Variants in MAF observed in about 807,000 individuals in gnomAD.
The protein encoded by MAF is MAF bZIP transcription factor, also known as transcription factor Maf.
A neutral mutation model predicts 22.0 loss-of-function variants in MAF; 10 were observed. The observed-to-expected ratio is 0.45, with a 90% CI of 0.28 to 0.77. The LOEUF (loss-of-function observed/expected upper bound fraction) is 0.77, where lower values mean the gene tolerates loss of function less well. Among genes scored for constraint, MAF ranks in the 30% least tolerant of loss-of-function variants. The pLI is 0.12. For missense variants in MAF, 544 were observed against 548.4 expected (o/e 0.99, Z 0.08); for synonymous variants, 337 against 255.8 (o/e 1.32, Z -3.03).
At chr16:79,335,080 G>A in the MAF span, among the ~76,000 whole-genome samples, 3 of 151,470 alleles carry the variant, frequency 2.0e-5, no homozygotes, top group African/African-American at 4.9e-5. Flanking sequence ...AGCTACTCGG[G>A]AGGCTGAGGC....
the MAF span, among the ~76,000 whole-genome samples, chr16:79,441,003 C>G: frequency 1.3e-5 from 2 of 152,204 alleles, no homozygotes; most frequent in South Asian, 2.1e-4. Flanking sequence ...TGTCCTATCA[C>G]CCTCTCACAA....
chr16:79,336,143 A>C, the MAF span, among the ~76,000 whole-genome samples: 2 of 152,318 alleles, frequency 1.3e-5, no homozygotes, highest in East Asian at 3.9e-4. Flanking sequence ...AAGCTGAAAC[A>C]TGAGGTTAAA....
the MAF span, among the ~76,000 whole-genome samples, chr16:79,306,054 C>A: frequency 2.0e-5 from 3 of 152,262 alleles, no homozygotes; most frequent in African/African-American, 7.2e-5. Flanking sequence ...TGACTGAGAC[C>A]AAGTCATGTG....
chr16:79,549,693 G>A, the MAF span, among the ~76,000 whole-genome samples: 1 of 152,084 alleles, frequency 6.6e-6, no homozygotes, highest in Admixed American at 6.5e-5. Context: ...CACCAATGTG[G>A]GTCATCTTGC....
the MAF span, among the ~76,000 whole-genome samples, chr16:79,468,989 G>A: frequency 1.9e-4 from 29 of 152,204 alleles, no homozygotes; most frequent in African/African-American, 7.0e-4. Context: ...TGTTTGACAA[G>A]CAGATGTTTT....
intron 1 of MAF, chr16:79,596,994 C>A (rs1597844488): frequency 9.5e-7 from 1 of 1,053,490 alleles, no homozygotes; most frequent in East Asian, 5.4e-5. Context: ...GTAAAATACC[C>A]CTACAGATAT....
chr16:79,566,298 G>A, the MAF span, among the ~76,000 whole-genome samples: 1 of 152,140 alleles, frequency 6.6e-6, no homozygotes, highest in African/African-American at 2.4e-5. Context: ...ACCAATGTGG[G>A]ACAGATTAAT....
the MAF span, among the ~76,000 whole-genome samples, chr16:79,304,587 G>A: frequency 6.6e-6 from 1 of 152,136 alleles, no homozygotes; most frequent in Non-Finnish European, 1.5e-5. Context: ...CAAAAGATAA[G>A]TCAGTGAGAG....
At position 79,600,579 on chromosome 16, in the gene MAF, G is replaced by C. The variant is rs1913984076; in HGVS notation, c.-677C>G. ...CCGACTGGAGGAGAGGGAGGGGGGA[G>C]TTTAGTTCTTTCTTGCCTTTTTTTA... On this transcript the variant is annotated 5_prime_UTR_variant, in exon 1 of 2. Coordinates refer to ENST00000326043, the MANE Select transcript of MAF (RefSeq NM_005360.5). The C allele has an allele frequency of 1.0e-5, 2 of 195,650 alleles. No homozygotes were observed. Among genetic ancestry groups the C allele is most frequent in the South Asian group, 2.0e-4 (1 of 5,046 alleles). The allele number at this position is 195,650 out of a possible 1,614,324, so 12.1% of individuals were successfully genotyped here. A position where few individuals can be genotyped will look rare whatever the true frequency, so the allele number is the denominator to read the frequency against.
At chr16:79,423,175 A>G in the MAF span, among the ~76,000 whole-genome samples, 1 of 152,236 alleles carries the variant, frequency 6.6e-6, no homozygotes, top group East Asian at 1.9e-4. Flanking sequence ...AATATTGCAT[A>G]GGATGTACCT....
chr16:79,460,840 A>C, the MAF span, among the ~76,000 whole-genome samples: 1 of 152,202 alleles, frequency 6.6e-6, no homozygotes, highest in Non-Finnish European at 1.5e-5. Flanking sequence ...TTTTATGGTG[A>C]GTGGCTCTTC....
chr16:79,223,622 TAAAG>T, the MAF span, among the ~76,000 whole-genome samples: 1 of 151,822 alleles, frequency 6.6e-6, no homozygotes, highest in African/African-American at 2.4e-5. Flanking sequence ...GCCAGATTAA[TAAAG>T]AAGAAAAGAG....
chr16:79,488,078 T>C, the MAF span, among the ~76,000 whole-genome samples: 4 of 152,278 alleles, frequency 2.6e-5, no homozygotes, highest in African/African-American at 9.6e-5. Context: ...ACTTAAAAAA[T>C]CTGTCCCTGG....
the MAF span, among the ~76,000 whole-genome samples, chr16:79,269,359 C>T: frequency 6.6e-6 from 1 of 152,134 alleles, no homozygotes; most frequent in Non-Finnish European, 1.5e-5. Context: ...GCAAATCCAG[C>T]CTGTAGGTTT....
the MAF span, among the ~76,000 whole-genome samples, chr16:79,573,028 T>C: frequency 6.6e-6 from 1 of 152,232 alleles, no homozygotes; most frequent in Non-Finnish European, 1.5e-5. Flanking sequence ...GTGAGGAAGG[T>C]TGAACATTGT....
rs1224993791 is a variant in MAF, at chr16:79,599,917, C to T, written c.-15G>A. 1 of 1,553,572 alleles carries T rather than the reference C, an allele frequency of 6.4e-7. No homozygotes were observed. ...TCTGATGCCATTCTCCTGCCGCCGC[C>T]GCCGCCGCCGCCGCCGCTCCGCCAG... On this transcript the variant is annotated 5_prime_UTR_variant, in exon 1 of 2. Coordinates refer to ENST00000326043, the MANE Select transcript of MAF (RefSeq NM_005360.5).
intron 1 of MAF, chr16:79,596,750 AT>A (rs1263731040): frequency 2.0e-4 from 208 of 1,039,510 alleles, no homozygotes; most frequent in South Asian, 1.1e-3. Flanking sequence ...AAAACTGTGG[AT>A]TTTTTTTTAA....
the MAF span, among the ~76,000 whole-genome samples, chr16:79,409,093 G>T: frequency 6.6e-6 from 1 of 152,144 alleles, no homozygotes; most frequent in East Asian, 1.9e-4. Flanking sequence ...TAGCAGGACG[G>T]CATTGGAAGG....
At chr16:79,235,842 T>C in the MAF span, among the ~76,000 whole-genome samples, 1 of 152,030 alleles carries the variant, frequency 6.6e-6, no homozygotes, top group Admixed American at 6.6e-5. Context: ...GTTGTTATTG[T>C]CTTAACTATT....
Sources: gnomAD v4.1 joint callset for allele counts (sites outside exome capture counted in the v4.1 genomes callset) on GRCh38, gnomAD v4.1.1 for gene constraint, MANE v1.5 for transcripts, NCBI Gene and HGNC (gene_info 2026-07-23, HGNC 2026-07-21) for gene names.